RTL4: variants seen among roughly 807,000 people sequenced by gnomAD.
RTL4 encodes retrotransposon Gag-like protein 4.
Under a neutral mutation model 5.3 loss-of-function variants are expected in RTL4, and 4 were observed. The ratio of observed to expected loss-of-function variants is 0.75; its 90% CI spans 0.37 to 1.72. RTL4 has a LOEUF of 1.72. Ranked by LOEUF, RTL4 falls within the 40% of genes most tolerant of loss-of-function variation. The pLI, the probability that RTL4 is intolerant of heterozygous loss-of-function variation, is 0.04. For synonymous variants in RTL4, 98 were observed against 87.3 expected (o/e 1.12, Z -0.68); for missense variants, 260 against 227.1 (o/e 1.14, Z -0.93).
the RTL4 span, among the ~76,000 whole-genome samples, chrX:112,118,507 C>T: frequency 1.8e-5 from 2 of 111,934 alleles, no homozygotes; most frequent in Admixed American, 1.9e-4. Flanking sequence ...AAGAAGGAAG[C>T]CACAGTCTTC....
chrX:112,390,391 G>A, the RTL4 span, among the ~76,000 whole-genome samples: 3 of 104,226 alleles, frequency 2.9e-5, no homozygotes, highest in African/African-American at 1.1e-4. Flanking sequence ...GACAGATTTT[G>A]TAGTGAGCCC....
chrX:112,263,886 G>A, the RTL4 span, among the ~76,000 whole-genome samples: 9 of 111,577 alleles, frequency 8.1e-5, no homozygotes, highest in Admixed American at 1.9e-4. Context: ...CCTTGAATTC[G>A]TGCAATTTTT....
At chrX:112,377,420 A>G in the RTL4 span, among the ~76,000 whole-genome samples, 3 of 112,161 alleles carry the variant, frequency 2.7e-5, no homozygotes, top group East Asian at 5.6e-4. Flanking sequence ...ACTTTAGACT[A>G]TCAGTTGTAT....
At chrX:112,217,534 A>T in the RTL4 span, among the ~76,000 whole-genome samples, 1 of 111,694 alleles carries the variant, frequency 9.0e-6, no homozygotes, top group African/African-American at 3.3e-5. Context: ...CAATTCATTG[A>T]TCTCCTTGGA....
the RTL4 span, among the ~76,000 whole-genome samples, chrX:112,280,758 A>G: frequency 0.086 from 9,619 of 111,358 alleles, 1,033 homozygotes; most frequent in African/African-American, 0.3. Context: ...GCCTCCCAAA[A>G]TGCTGGGATT....
At chrX:112,427,756 A>T in the RTL4 span, among the ~76,000 whole-genome samples, 2 of 110,540 alleles carry the variant, frequency 1.8e-5, no homozygotes, top group Admixed American at 9.7e-5. Flanking sequence ...ATGTGTTTTA[A>T]TTTTTTTATT....
chrX:112,426,638 G>A, the RTL4 span, among the ~76,000 whole-genome samples: 15 of 111,434 alleles, frequency 1.3e-4, no homozygotes, highest in Non-Finnish European at 2.3e-4. Context: ...GGGTGCCAGT[G>A]TAAACGGCAA....
the RTL4 span, among the ~76,000 whole-genome samples, chrX:112,393,748 T>A: frequency 8.9e-6 from 1 of 111,853 alleles, no homozygotes; most frequent in Non-Finnish European, 1.9e-5. Context: ...GGAGGTGCAA[T>A]GCTGCTACCT....
At chrX:112,157,029 T>C in the RTL4 span, among the ~76,000 whole-genome samples, 1 of 109,316 alleles carries the variant, frequency 9.1e-6, no homozygotes, top group Admixed American at 9.9e-5. Flanking sequence ...ATTTGTTAGA[T>C]GCGAGTGTTG....
the RTL4 span, among the ~76,000 whole-genome samples, chrX:112,315,283 T>G: frequency 9.0e-6 from 1 of 110,885 alleles, no homozygotes; most frequent in African/African-American, 3.3e-5. Flanking sequence ...GTTGAAGAGA[T>G]GAGGTGGAGT....
chrX:112,148,795 C>T, the RTL4 span, among the ~76,000 whole-genome samples: 11 of 111,836 alleles, frequency 9.8e-5, no homozygotes, highest in African/African-American at 2.6e-4. Flanking sequence ...GAGAATTTTG[C>T]GTGGTTGTAT....
At chrX:112,100,894 G>C in the RTL4 span, among the ~76,000 whole-genome samples, 1 of 111,576 alleles carries the variant, frequency 9.0e-6, no homozygotes, top group Non-Finnish European at 1.9e-5. Context: ...CAGGCCCTCT[G>C]TTATCAAGAA....
At chrX:112,246,067 C>A in the RTL4 span, among the ~76,000 whole-genome samples, 5 of 112,181 alleles carry the variant, frequency 4.5e-5, no homozygotes, top group Admixed American at 4.7e-4. Context: ...GCAAATATTG[C>A]TGCCTGATCC....
At chrX:112,247,923 G>T in the RTL4 span, among the ~76,000 whole-genome samples, 3 of 112,102 alleles carry the variant, frequency 2.7e-5, no homozygotes, top group African/African-American at 9.7e-5. Context: ...GCAGAACTGG[G>T]TGTATCTTCC....
chrX:112,278,071 A>G, the RTL4 span, among the ~76,000 whole-genome samples: 1 of 112,124 alleles, frequency 8.9e-6, no homozygotes, highest in African/African-American at 3.2e-5. Flanking sequence ...GTGAAGATTT[A>G]TGTTTACTTG....
At chrX:112,190,172 C>CTTTCTT in the RTL4 span, among the ~76,000 whole-genome samples, 1 of 92,223 alleles carries the variant, frequency 1.1e-5, no homozygotes, top group Non-Finnish European at 2.2e-5. Flanking sequence ...TTCTTTCTTT[C>CTTTCTT]TTTCTTTCTT....
chrX:112,095,809 G>A, the RTL4 span, among the ~76,000 whole-genome samples: 1 of 111,282 alleles, frequency 9.0e-6, no homozygotes, highest in Non-Finnish European at 1.9e-5. Context: ...AGAGATAATT[G>A]GAAATATAAC....
At chrX:112,385,236 T>A in the RTL4 span, among the ~76,000 whole-genome samples, 1 of 111,044 alleles carries the variant, frequency 9.0e-6, no homozygotes, top group African/African-American at 3.3e-5. Flanking sequence ...TTTTTCTTTT[T>A]TAAGATTATG....
the RTL4 span, among the ~76,000 whole-genome samples, chrX:112,354,583 A>C: frequency 9.0e-6 from 1 of 111,682 alleles, no homozygotes; most frequent in African/African-American, 3.2e-5. Flanking sequence ...AATATTGCAA[A>C]ATAAGTTGTT....
Sources: allele counts gnomAD v4.1 joint callset (sites outside exome capture counted in the v4.1 genomes callset), GRCh38; gene constraint gnomAD v4.1.1; transcripts MANE v1.5; gene names NCBI Gene and HGNC (gene_info 2026-07-23, HGNC 2026-07-21).